APBB1IP: variants seen among roughly 807,000 people sequenced by gnomAD.
APBB1IP encodes amyloid beta A4 precursor protein-binding family B member 1-interacting protein.
APBB1IP carries 27 observed loss-of-function variants against 64.9 expected under a neutral mutation model. That is an observed-to-expected ratio of 0.42 (90% CI 0.31 to 0.57). The LOEUF is 0.57. Among genes scored for constraint, APBB1IP ranks in the 20% least tolerant of loss-of-function variants. The probability of loss-of-function intolerance (pLI) is 0.20; values close to 1 mark genes in which losing one functional copy is unlikely to be tolerated. For synonymous variants in APBB1IP, 392 were observed against 331.0 expected, an observed-to-expected ratio of 1.18 and a Z score of -2.00; for missense variants, 812 against 845.5, an observed-to-expected ratio of 0.96 and a Z score of 0.49.
intron 4 of APBB1IP, among the ~76,000 whole-genome samples, chr10:26,498,762 G>A (rs1290199021): frequency 2.6e-5 from 4 of 152,106 alleles, no homozygotes; most frequent in Admixed American, 2.6e-4. Context: ...TACCCAGCAA[G>A]ATATAAACAT....
At chr10:26,492,632 A>T (rs1206951014) in intron 3 of APBB1IP, among the ~76,000 whole-genome samples, 1 of 152,142 alleles carries the variant, frequency 6.6e-6, no homozygotes, top group Non-Finnish European at 1.5e-5. Flanking sequence ...GAGGCATCAC[A>T]TGTCGGCAGG....
In APBB1IP at chr10:26,493,452, C is replaced by T. The variant is rs377543994; in HGVS notation, c.72+1054C>T. Among the ~76,000 whole-genome samples the T allele has an allele frequency of 8.3e-4, 127 of 152,120 alleles. 2 individuals carry two copies. The South Asian group carries it at 0.025, about 30-fold the overall frequency. On this transcript the variant is annotated intron_variant, in intron 3 of 14. Transcript: ENST00000376236. Reference sequence around the variant, plus strand: ...GTTCAGAGATTGCAGTAAAGACAGGCGTAAGAAATTATAAAAGTATTAATT... The same window carrying T: ...GTTCAGAGATTGCAGTAAAGACAGGTGTAAGAAATTATAAAAGTATTAATT...
At chr10:26,505,132 A>G (rs1454360305) in intron 6 of APBB1IP, among the ~76,000 whole-genome samples, 2 of 152,146 alleles carry the variant, frequency 1.3e-5, no homozygotes, top group Non-Finnish European at 2.9e-5. Context: ...AGTTGTGTGA[A>G]TTGTCCTTTT....
At chr10:26,554,408 G>A (rs139272971) in intron 11 of APBB1IP, among the ~76,000 whole-genome samples, 131 of 152,284 alleles carry the variant, frequency 8.6e-4, no homozygotes, top group African/African-American at 3.1e-3. Context: ...TCTAGCTTCC[G>A]GCAGCTCCCA....
rs201666748 is a variant in APBB1IP, at chr10:26,566,917, CA to C, written c.1474-39del. ...ATTAATAACAATAAATTTAAAATTT[CA>C]AAAATTAAAAAAAAAATGAATGCTA... On this transcript the variant is annotated intron_variant, in intron 14 of 14. Coordinates refer to ENST00000376236, the MANE Select transcript of APBB1IP (RefSeq NM_019043.4). 3.1e-4 allele frequency: 470 copies of C among 1,513,088 alleles called. 4 individuals are homozygous for C. In the East Asian group the frequency reaches 5.1e-3, roughly 16 times the overall value. The allele number at this position is 1,513,088 out of a possible 1,614,324, so 93.7% of individuals were successfully genotyped here.
chr10:26,517,784 C>T (rs1240320935), intron 8 of APBB1IP, among the ~76,000 whole-genome samples: 1 of 152,186 alleles, frequency 6.6e-6, no homozygotes, highest in Non-Finnish European at 1.5e-5. Flanking sequence ...CATTGTCTTG[C>T]TGATGGATAT....
intron 2 of APBB1IP, among the ~76,000 whole-genome samples, chr10:26,462,451 G>A (rs10829007): frequency 0.37 from 56,015 of 151,978 alleles, 10,388 homozygotes; most frequent in South Asian, 0.5. Flanking sequence ...TTTATCAGGA[G>A]TGGGTATTGG....
chr10:26,477,310 A>G (rs1444923008), intron 2 of APBB1IP, among the ~76,000 whole-genome samples: 1 of 152,224 alleles, frequency 6.6e-6, no homozygotes, highest in Non-Finnish European at 1.5e-5. Flanking sequence ...CATGTCCACC[A>G]GATTTTCTCA....
chr10:26,533,303 G>A (rs1463044143), intron 8 of APBB1IP, 136 bp from the exon 9 acceptor site: 3 of 469,026 alleles, frequency 6.4e-6, no homozygotes, highest in Non-Finnish European at 1.1e-5. Context: ...TCTGATGGTT[G>A]ACTGATATCA....
chr10:26,562,089 A>T (rs1323202153), intron 13 of APBB1IP: 1 of 411,748 alleles, frequency 2.4e-6, no homozygotes, highest in Non-Finnish European at 4.5e-6. Flanking sequence ...CTTTTTGCTG[A>T]ATCTCATATA....
At chr10:26,478,479 A>T (rs1236889632) in intron 2 of APBB1IP, among the ~76,000 whole-genome samples, 1 of 151,948 alleles carries the variant, frequency 6.6e-6, no homozygotes, top group Non-Finnish European at 1.5e-5. Flanking sequence ...TGAGGTCAGG[A>T]GTGGCGCATG....
intron 3 of APBB1IP, among the ~76,000 whole-genome samples, chr10:26,493,062 A>T (rs1248191736): frequency 4.6e-5 from 7 of 152,048 alleles, no homozygotes; most frequent in Admixed American, 3.9e-4. Flanking sequence ...CAGGGCTATT[A>T]ATTATTAATA....
intron 2 of APBB1IP, among the ~76,000 whole-genome samples, chr10:26,441,346 A>G (rs1835336050): frequency 1.3e-5 from 2 of 152,142 alleles, no homozygotes; most frequent in South Asian, 4.1e-4. Context: ...AGATATCTGG[A>G]ACAGTAATCA....
In APBB1IP at chr10:26,562,422, C is replaced by T; in HGVS notation, c.1466C>T (p.Thr489Ile). 6.2e-7 allele frequency: 1 copy of T among 1,613,566 alleles called. No homozygotes were observed. The highest frequency in any genetic ancestry group is 8.5e-7 in the Non-Finnish European group (1 of 1,179,622). The stretch of plus-strand genomic sequence containing the variant: ...CAAGAGGCCCAGAGACATGCTGAAA[C>T]ATCGAAGGTAAAACCAGCAAGCAGC... ...VLQEAQRHAE[T>I]SKDKKPALGN... is the part of the protein sequence containing the mutation. The change falls in exon 14 of 15, where the codon ACA becomes ATA. Residue 489 changes from threonine to isoleucine, a missense_variant. Physicochemically the swap from Thr to Ile is moderately conservative, Grantham distance 89. Transcript: ENST00000376236.
chr10:26,486,565 G>T (rs932619266), intron 2 of APBB1IP, among the ~76,000 whole-genome samples: 1 of 152,096 alleles, frequency 6.6e-6, no homozygotes, highest in Non-Finnish European at 1.5e-5. Flanking sequence ...TGTTGAGCTG[G>T]CTGTGTTTAG....
At chr10:26,453,271 G>T (rs1006692120) in intron 2 of APBB1IP, among the ~76,000 whole-genome samples, 2 of 152,174 alleles carry the variant, frequency 1.3e-5, no homozygotes, top group Non-Finnish European at 2.9e-5. Flanking sequence ...AATGGCAATG[G>T]TGTGTTTACA....
rs1304285375 is a variant in APBB1IP, at chr10:26,535,964, C to T, written c.901-110C>T. 4.3e-6 allele frequency: 5 copies of T among 1,161,276 alleles called. No individual in the cohort carries two copies. In the African/African-American group the frequency reaches 6.2e-5, roughly 14 times the overall value. 71.9% of individuals were successfully genotyped at this position (1,161,276 alleles called of 1,614,324 possible). ...ACATATGCATTCGATCAGAGTTGTA[C>T]ACAAAATTGACTTTTAGTTTAAAAG... On this transcript the variant is annotated intron_variant, in intron 9 of 14. Transcript: ENST00000376236.
intron 6 of APBB1IP, among the ~76,000 whole-genome samples, chr10:26,505,751 G>A (rs990441035): frequency 1.0e-4 from 15 of 145,158 alleles, no homozygotes; most frequent in African/African-American, 4.2e-4. Flanking sequence ...GCGTGCATCT[G>A]TACCCATATA....
chr10:26,541,781 A>G (rs1836700237), intron 11 of APBB1IP, 89 bp downstream of exon 11: 1 of 922,106 alleles, frequency 1.1e-6, no homozygotes, highest in South Asian at 1.7e-5. Flanking sequence ...ATAGTTAGCC[A>G]TATGTGTAAC....
Sources: allele counts gnomAD v4.1 joint callset (sites outside exome capture counted in the v4.1 genomes callset), GRCh38; gene constraint gnomAD v4.1.1; transcripts MANE v1.5; gene names NCBI Gene and HGNC (gene_info 2026-07-23, HGNC 2026-07-21).